DDR2: variants seen among roughly 807,000 people sequenced by gnomAD.
The protein encoded by DDR2 is discoidin domain receptor tyrosine kinase 2, also known as discoidin domain-containing receptor 2.
A neutral mutation model predicts 94.9 loss-of-function variants in DDR2; 27 were observed. That is an observed-to-expected ratio of 0.28 (90% CI 0.21 to 0.39). The LOEUF is 0.39. DDR2 is among the 10% of genes least tolerant of loss of function. The probability of loss-of-function intolerance (pLI) is 1.00; values close to 1 mark genes in which losing one functional copy is unlikely to be tolerated. For missense variants in DDR2, 783 were observed against 1,076.0 expected (o/e 0.73, Z 3.81); for synonymous variants, 382 against 377.2 (o/e 1.01, Z -0.15).
chr1:162,648,081 C>G (rs950094399), intron 1 of DDR2, among the ~76,000 whole-genome samples: 8 of 146,334 alleles, frequency 5.5e-5, no homozygotes, highest in African/African-American at 2.0e-4. Context: ...TGAGTACTTA[C>G]TAAGAGTCTT....
chr1:162,724,601 A>T (rs1432038883), intron 3 of DDR2, among the ~76,000 whole-genome samples: 1 of 152,064 alleles, frequency 6.6e-6, no homozygotes, highest in Non-Finnish European at 1.5e-5. Context: ...ATATTTCCAA[A>T]TTGGAAACTC....
chr1:162,675,629 A>G (rs1364817964), intron 2 of DDR2, among the ~76,000 whole-genome samples: 2 of 152,220 alleles, frequency 1.3e-5, no homozygotes, highest in Non-Finnish European at 2.9e-5. Flanking sequence ...AAGTGAATAT[A>G]AGTGGCAGAA....
chr1:162,656,833 G>GTGTTTTTTTTT (rs1657990501), intron 2 of DDR2, among the ~76,000 whole-genome samples: 1 of 65,682 alleles, frequency 1.5e-5, no homozygotes, highest in South Asian at 6.7e-4. Context: ...TGCCACTGGA[G>GTGTTTTTTTTT]TTTTTTTTTT....
chr1:162,783,708 T>C lies in DDR2; in HGVS notation c.*3462T>C, dbSNP rs1648024353. 1 of 152,178 alleles carries C rather than the reference T, an allele frequency of 6.6e-6. No homozygotes were observed. The highest frequency in any genetic ancestry group is 6.5e-5 in the Admixed American group (1 of 15,278). The allele number at this position is 152,178 out of a possible 1,614,324, so 9.4% of individuals were successfully genotyped here. A position where few individuals can be genotyped will look rare whatever the true frequency, so the allele number is the denominator to read the frequency against. On this transcript the variant is annotated 3_prime_UTR_variant, in exon 18 of 18. Transcript: ENST00000367921. Reference sequence around the variant, plus strand: ...ATGAAGTCAGGTTCAGTGTATGAAATGGAAAGGAATTTTTCAGAATTTTAA... The same window carrying C: ...ATGAAGTCAGGTTCAGTGTATGAAACGGAAAGGAATTTTTCAGAATTTTAA...
intron 2 of DDR2, among the ~76,000 whole-genome samples, chr1:162,711,912 G>A (rs984386565): frequency 2.0e-5 from 3 of 152,048 alleles, no homozygotes; most frequent in Non-Finnish European, 4.4e-5. Context: ...TAGGGCTTGT[G>A]TTTTGAACCA....
Position 162,632,493 on chromosome 1 carries a change from T to C in DDR2, c.-330T>C, listed in dbSNP as rs1015202035. 3 of 152,188 alleles carry C rather than the reference T, an allele frequency of 2.0e-5. No individual in the cohort carries two copies. The highest frequency in any genetic ancestry group is 6.5e-5 in the Admixed American group (1 of 15,278). 9.4% of individuals were successfully genotyped at this position (152,188 alleles called of 1,614,324 possible). A position where few individuals can be genotyped will look rare whatever the true frequency, so the allele number is the denominator to read the frequency against. ...GGCATCTTGCATCAGCCTGTGGATG[T>C]ATGCCTACCACCGGGCTCCTTCACC... On this transcript the variant is annotated 5_prime_UTR_variant, in exon 1 of 18. Coordinates refer to ENST00000367921, the MANE Select transcript of DDR2 (RefSeq NM_006182.4).
In DDR2 at chr1:162,730,237, G is replaced by A. The variant is rs1021049231; in HGVS notation, c.82+11092G>A. On this transcript the variant is annotated intron_variant, in intron 3 of 17. Transcript: ENST00000367921. ...GGCCATTTCAGCTGAAGCTACCAAA[G>A]TGCAGCACCAGGTCCAGCCTTCTAG... 2.6e-5 allele frequency among the ~76,000 whole-genome samples: 4 copies of A among 152,140 alleles called. No individual in the cohort carries two copies. In the East Asian group the frequency reaches 7.8e-4, roughly 29 times the overall value.
chr1:162,647,772 A>T lies in DDR2; in HGVS notation c.-191-7439A>T, dbSNP rs1016520489. ...GTTAATGCATTATAATTAGCGTCTA[A>T]TGAGCAGTGAGGATGACCACAGGTC... On this transcript the variant is annotated intron_variant, in intron 1 of 17. Transcript: ENST00000367921. 2.0e-5 allele frequency among the ~76,000 whole-genome samples: 3 copies of T among 152,212 alleles called. No individual in the cohort carries two copies. In the South Asian group the frequency reaches 6.2e-4, roughly 32 times the overall value.
chr1:162,768,545 G>C (rs1485998823), intron 11 of DDR2, among the ~76,000 whole-genome samples: 1 of 152,172 alleles, frequency 6.6e-6, no homozygotes, highest in Non-Finnish European at 1.5e-5. Context: ...GGAGAGGAAA[G>C]GGCACCATGA....
intron 3 of DDR2, among the ~76,000 whole-genome samples, chr1:162,748,108 C>G (rs367774909): frequency 6.6e-6 from 1 of 152,174 alleles, no homozygotes; most frequent in Non-Finnish European, 1.5e-5. Flanking sequence ...AGCAAAATAA[C>G]CAGCTAACAT....
At chr1:162,752,142 A>AT (rs1240158650) in intron 3 of DDR2, among the ~76,000 whole-genome samples, 1 of 129,016 alleles carries the variant, frequency 7.8e-6, no homozygotes, top group Non-Finnish European at 1.7e-5. Flanking sequence ...TTAAAGTATA[A>AT]TAAAAAAAAA....
At chr1:162,687,241 C>T (rs1462707683) in intron 2 of DDR2, among the ~76,000 whole-genome samples, 2 of 152,236 alleles carry the variant, frequency 1.3e-5, no homozygotes, top group African/African-American at 2.4e-5. Flanking sequence ...CAAGGCATTA[C>T]CTGCACCTGG....
intron 2 of DDR2, among the ~76,000 whole-genome samples, chr1:162,690,829 T>A (rs1017508425): frequency 6.6e-6 from 1 of 152,226 alleles, no homozygotes; most frequent in African/African-American, 2.4e-5. Flanking sequence ...GCCCTGGGCA[T>A]TCTTTCGGTT....
chr1:162,734,146 T>G (rs1262552240), intron 3 of DDR2, among the ~76,000 whole-genome samples: 1 of 152,194 alleles, frequency 6.6e-6, no homozygotes, highest in Non-Finnish European at 1.5e-5. Context: ...TACACATTTG[T>G]AAAAGAAATA....
rs9970892 is a variant in DDR2, at chr1:162,677,900, A to G, written c.-28+22526A>G. On this transcript the variant is annotated intron_variant, in intron 2 of 17. Transcript: ENST00000367921. ...TTCTATACTGCCTCTCCCATTTTATATTATTTATACCTATGTGCTGGGACT... is the reference window on the plus strand; with the variant it reads ...TTCTATACTGCCTCTCCCATTTTATGTTATTTATACCTATGTGCTGGGACT... Among the ~76,000 whole-genome samples, 1,008 of 152,276 alleles carry G rather than the reference A, an allele frequency of 6.6e-3. 10 individuals carry two copies. The highest frequency in any genetic ancestry group is 0.023 in the African/African-American group (962 of 41,558).
intron 2 of DDR2, among the ~76,000 whole-genome samples, chr1:162,713,880 T>A (rs1373995965): frequency 6.6e-6 from 1 of 152,192 alleles, no homozygotes; most frequent in Non-Finnish European, 1.5e-5. Flanking sequence ...GAAATTATGG[T>A]ATATGTATTT....
chr1:162,775,885 G>C (rs2102197109), intron 15 of DDR2, 42 bp downstream of exon 15: 1 of 1,610,734 alleles, frequency 6.2e-7, no homozygotes, highest in South Asian at 1.1e-5. Flanking sequence ...GTGGTCATGA[G>C]AGTAACCTGG....
chr1:162,742,863 G>A (rs147680486), intron 3 of DDR2, among the ~76,000 whole-genome samples: 122 of 152,264 alleles, frequency 8.0e-4, no homozygotes, highest in African/African-American at 2.9e-3. Context: ...TGAAGAAGAA[G>A]CAAAAGCAGA....
intron 3 of DDR2, among the ~76,000 whole-genome samples, chr1:162,722,020 A>G (rs1232914183): frequency 6.6e-6 from 1 of 152,248 alleles, no homozygotes; most frequent in East Asian, 1.9e-4. Flanking sequence ...TAAACATGAT[A>G]TGATATGAAA....
Sources: allele counts gnomAD v4.1 joint callset (sites outside exome capture counted in the v4.1 genomes callset), GRCh38; gene constraint gnomAD v4.1.1; transcripts MANE v1.5; gene names NCBI Gene and HGNC (gene_info 2026-07-23, HGNC 2026-07-21).